The following ANKRD11 variants were observed in gnomAD, a reference collection of about 807,000 sequenced individuals.
ANKRD11 encodes ankyrin repeat domain-containing protein 11.
A neutral mutation model predicts 195.7 loss-of-function variants in ANKRD11; 17 were observed. That is an observed-to-expected ratio of 0.09 (90% CI 0.06 to 0.13). ANKRD11 has a LOEUF of 0.13. Ranked by LOEUF, ANKRD11 falls within the 10% of genes least tolerant of loss-of-function variation. The pLI, the probability that ANKRD11 is intolerant of heterozygous loss-of-function variation, is 1.00. For missense variants in ANKRD11, 3,735 were observed against 3,566.1 expected (o/e 1.05, Z -1.21); for synonymous variants, 1,953 against 1,528.1 (o/e 1.28, Z -6.49).
intron 2 of ANKRD11, among the ~76,000 whole-genome samples, chr16:89,387,936 C>A (rs2040995366): frequency 6.6e-6 from 1 of 150,920 alleles, no homozygotes. Context: ...CTTCTTGAAC[C>A]CAGGAGGCAG....
At chr16:89,430,426 A>G (rs978909798) in intron 1 of ANKRD11, among the ~76,000 whole-genome samples, 1 of 149,278 alleles carries the variant, frequency 6.7e-6, no homozygotes, top group African/African-American at 2.5e-5. Flanking sequence ...TCTAGTACAC[A>G]GCAGGGATTC....
intron 1 of ANKRD11, among the ~76,000 whole-genome samples, chr16:89,444,148 T>G (rs1040335690): frequency 2.6e-5 from 4 of 152,130 alleles, no homozygotes; most frequent in Non-Finnish European, 1.5e-5. Flanking sequence ...TGTTCCTGCA[T>G]AAAATACTAG....
In ANKRD11 at chr16:89,290,705, C is replaced by A. The variant is rs1258661652; in HGVS notation, c.521G>T (p.Arg174Leu). 1 of 1,614,078 alleles carries A rather than the reference C, an allele frequency of 6.2e-7. No homozygotes were observed. The highest frequency in any genetic ancestry group is 8.5e-7 in the Non-Finnish European group (1 of 1,180,014). The change falls in exon 6 of 13, where the codon CGA (arginine) becomes CTA (leucine). Residue 174 changes from arginine to leucine, a missense_variant. Physicochemically the swap from Arg to Leu is moderately radical, Grantham distance 102 (BLOSUM62 -2). Transcript: ENST00000301030. ...CCGGGCGTCCCCGCGGATGGCGGCT[C>A]GGTGCAGGCGGGTCTCTCCACGCTC... ...RNERGETRLHRAAIRGDARRI... is the reference protein window; with the variant it reads ...RNERGETRLHLAAIRGDARRI...
chr16:89,450,400 G>A (rs780832328), intron 1 of ANKRD11, among the ~76,000 whole-genome samples: 105 of 152,280 alleles, frequency 6.9e-4, no homozygotes, highest in Middle Eastern at 6.8e-3. Context: ...CTTTTACAGT[G>A]ACAGCAACAC....
rs1463588910 is a variant in ANKRD11 at position 89,427,226 on chromosome 16, C to T, written c.-144-8858G>A. On this transcript the variant is annotated intron_variant, in intron 1 of 12. Coordinates refer to ENST00000301030, the MANE Select transcript of ANKRD11 (RefSeq NM_013275.6). ...TAACCAAAGAAGTGTAAAACTTGCA[C>T]CCTGTAACCACAAAACACTGTTGAA... Among the ~76,000 whole-genome samples, 5 of 152,270 alleles carry T rather than the reference C, an allele frequency of 3.3e-5. No individual in the cohort carries two copies. In the East Asian group the frequency reaches 7.7e-4, roughly 23 times the overall value.
chr16:89,435,796 T>TCACACACACACACACACACA (rs58503159), intron 1 of ANKRD11, among the ~76,000 whole-genome samples: 1 of 143,018 alleles, frequency 7.0e-6, no homozygotes, highest in Non-Finnish European at 1.5e-5. Flanking sequence ...CACCAGCTCT[T>TCACACACACACACACACACA]CACACACACA....
At chr16:89,319,445 G>T (rs368235527) in intron 2 of ANKRD11, among the ~76,000 whole-genome samples, 1 of 152,226 alleles carries the variant, frequency 6.6e-6, no homozygotes. Context: ...CCGGGGACTC[G>T]GGAGTGTTGT....
At chr16:89,303,956 T>C (rs1468254153) in intron 4 of ANKRD11, among the ~76,000 whole-genome samples, 2 of 152,198 alleles carry the variant, frequency 1.3e-5, no homozygotes, top group Non-Finnish European at 2.9e-5. Flanking sequence ...TATGGCTGCA[T>C]TCAAGAAGTC....
chr16:89,348,637 T>C (rs2039054955), intron 2 of ANKRD11, among the ~76,000 whole-genome samples: 1 of 152,246 alleles, frequency 6.6e-6, no homozygotes, highest in Non-Finnish European at 1.5e-5. Flanking sequence ...GATACAGGAC[T>C]ATTTAAGCTA....
At chr16:89,290,967 C>A (rs1265316944) in intron 5 of ANKRD11, 46 bp downstream of exon 5, 2 of 1,610,308 alleles carry the variant, frequency 1.2e-6, no homozygotes, top group Non-Finnish European at 1.7e-6. Flanking sequence ...TGCGACCAGG[C>A]AGAGCCCCTT....
intron 2 of ANKRD11, among the ~76,000 whole-genome samples, chr16:89,356,615 CAA>C (rs1215696016): frequency 1.1e-4 from 12 of 113,304 alleles, no homozygotes; most frequent in Non-Finnish European, 1.3e-4. Flanking sequence ...ACTAAAAATA[CAA>C]AAAAAAAAAA....
At chr16:89,397,870 C>T (rs938364723) in intron 2 of ANKRD11, among the ~76,000 whole-genome samples, 1 of 152,230 alleles carries the variant, frequency 6.6e-6, no homozygotes, top group Non-Finnish European at 1.5e-5. Flanking sequence ...CACAAACCTT[C>T]GTCCTGGGCA....
chr16:89,352,665 G>A (rs1018723274), intron 2 of ANKRD11, among the ~76,000 whole-genome samples: 2 of 152,226 alleles, frequency 1.3e-5, no homozygotes, highest in African/African-American at 4.8e-5. Flanking sequence ...GCACCAAAGT[G>A]TTCTGTGCCT....
chr16:89,272,200 T>C (rs898087031), intron 11 of ANKRD11: 10 of 152,162 alleles, frequency 6.6e-5, no homozygotes, highest in African/African-American at 2.4e-4. Context: ...GAGACATCAC[T>C]TCACCCCGGT....
At chr16:89,268,785 G>T in intron 12 of ANKRD11, 122 bp from the exon 13 acceptor site, 1 of 1,139,910 alleles carries the variant, frequency 8.8e-7, no homozygotes, top group Non-Finnish European at 1.3e-6. Flanking sequence ...CCTGGTATGG[G>T]CCAGGCCCAG....
At chr16:89,274,674 T>G in intron 11 of ANKRD11, 140 bp downstream of exon 11, 1 of 1,281,466 alleles carries the variant, frequency 7.8e-7, no homozygotes, top group Non-Finnish European at 1.1e-6. Flanking sequence ...GCTAGAGGCA[T>G]GCAAAGGACT....
At chr16:89,342,341 A>G (rs1484808242) in intron 2 of ANKRD11, among the ~76,000 whole-genome samples, 1 of 152,240 alleles carries the variant, frequency 6.6e-6, no homozygotes, top group Non-Finnish European at 1.5e-5. Context: ...GATGCAGCCC[A>G]TTTCACCTGA....
intron 2 of ANKRD11, chr16:89,340,077 A>G (rs184822119): frequency 6.6e-6 from 1 of 152,268 alleles, no homozygotes; most frequent in East Asian, 1.9e-4. Context: ...GTTTTTTCCA[A>G]CTTTTTGCGA....
rs151025306 is a variant in ANKRD11, at chr16:89,410,707, C to T, written c.-60+7577G>A. On this transcript the variant is annotated intron_variant, in intron 2 of 12. Coordinates refer to ENST00000301030, the MANE Select transcript of ANKRD11 (RefSeq NM_013275.6). ...AATCATCCATTTAGCAAAACGTCAA[C>T]GATACCAAAAGCTATGAAAGCATCC... Among the ~76,000 whole-genome samples the T allele has an allele frequency of 1.6e-3, 249 of 152,340 alleles. 1 individual carries two copies. Among genetic ancestry groups the T allele is most frequent in the African/African-American group, 5.1e-3 (211 of 41,582 alleles).
Sources: allele counts gnomAD v4.1 joint callset (sites outside exome capture counted in the v4.1 genomes callset), GRCh38; gene constraint gnomAD v4.1.1; transcripts MANE v1.5; gene names NCBI Gene and HGNC (gene_info 2026-07-23, HGNC 2026-07-21).